The following PLXNA2 variants were observed in gnomAD, a reference collection of about 807,000 sequenced individuals.
PLXNA2 encodes the protein plexin-A2.
PLXNA2 carries 91 observed loss-of-function variants against 193.5 expected under a neutral mutation model. That is an observed-to-expected ratio of 0.47 (90% confidence interval 0.40 to 0.56). The LOEUF is 0.56. Ranked by LOEUF, PLXNA2 falls within the 20% of genes least tolerant of loss-of-function variation. The pLI is 0.00. For synonymous variants in PLXNA2, 997 were observed against 1,027.3 expected, an observed-to-expected ratio of 0.97 and a Z score of 0.56; for missense variants, 1,995 against 2,503.2, an observed-to-expected ratio of 0.80 and a Z score of 4.33.
intron 23 of PLXNA2, 107 bp from the exon 24 acceptor site, chr1:208,039,874 A>G: frequency 6.3e-7 from 1 of 1,587,194 alleles, no homozygotes. Context: ...GCTTTAGCAC[A>G]GCCAGTCCAG....
rs762707482 is a variant in PLXNA2 at position 208,150,616 on chromosome 1, C to T, written c.1372-8153G>A. On this transcript the variant is annotated intron_variant, in intron 3 of 31. Transcript: ENST00000367033. Reference sequence around the variant, plus strand: ...GGGGAGATTGGCTGGTGAGGATCTCCGGAGACCAGTTTTCTGTTTCTAAAT... The same window carrying T: ...GGGGAGATTGGCTGGTGAGGATCTCTGGAGACCAGTTTTCTGTTTCTAAAT... 9.9e-5 allele frequency among the ~76,000 whole-genome samples: 15 copies of T among 152,210 alleles called. No homozygotes were observed. The East Asian group carries it at 2.3e-3, about 24-fold the overall frequency.
At chr1:208,071,755 T>C (rs182747125) in intron 12 of PLXNA2, among the ~76,000 whole-genome samples, 1 of 152,364 alleles carries the variant, frequency 6.6e-6, no homozygotes, top group East Asian at 1.9e-4. Context: ...AGTGATGTTA[T>C]ATTAATGAGG....
At chr1:208,207,694 C>T (rs749040067) in intron 3 of PLXNA2, among the ~76,000 whole-genome samples, 1 of 152,106 alleles carries the variant, frequency 6.6e-6, no homozygotes, top group Non-Finnish European at 1.5e-5. Flanking sequence ...AGTAGGGTTT[C>T]CTGGGGACAT....
intron 6 of PLXNA2, among the ~76,000 whole-genome samples, chr1:208,097,295 A>G (rs1226868649): frequency 3.9e-5 from 6 of 152,242 alleles, no homozygotes; most frequent in African/African-American, 9.6e-5. Flanking sequence ...TCATGGGAGT[A>G]AATATCACCA....
At chr1:208,233,218 G>A (rs1168567215) in intron 1 of PLXNA2, among the ~76,000 whole-genome samples, 2 of 152,162 alleles carry the variant, frequency 1.3e-5, no homozygotes, top group African/African-American at 4.8e-5. Context: ...CAAGAGCCTG[G>A]ACAATGACTT....
intron 9 of PLXNA2, among the ~76,000 whole-genome samples, chr1:208,091,427 G>T (rs1666705779): frequency 6.6e-6 from 1 of 152,112 alleles, no homozygotes; most frequent in Non-Finnish European, 1.5e-5. Context: ...GCCATCAATG[G>T]GATTTAAATA....
At chr1:208,225,778 C>T (rs772974539) in intron 1 of PLXNA2, among the ~76,000 whole-genome samples, 3 of 152,186 alleles carry the variant, frequency 2.0e-5, no homozygotes, top group Non-Finnish European at 4.4e-5. Context: ...CCTCATCTGA[C>T]CATCTACAAG....
intron 1 of PLXNA2, among the ~76,000 whole-genome samples, chr1:208,243,142 C>A (rs1188858170): frequency 6.6e-6 from 1 of 152,168 alleles, no homozygotes; most frequent in Admixed American, 6.5e-5. Flanking sequence ...GATCTCCAGT[C>A]CCCGATCGGA....
intron 3 of PLXNA2, among the ~76,000 whole-genome samples, chr1:208,182,579 T>C (rs74153099): frequency 0.025 from 3,776 of 152,142 alleles, 158 homozygotes; most frequent in African/African-American, 0.085. Flanking sequence ...ATTCATGGAA[T>C]GGAGCTCCGG....
At chr1:208,130,708 G>T (rs3811390) in intron 4 of PLXNA2, among the ~76,000 whole-genome samples, 3 of 151,860 alleles carry the variant, frequency 2.0e-5, no homozygotes, top group African/African-American at 4.8e-5. Context: ...ACTCCTCCCC[G>T]GCCACTCTCC....
In PLXNA2 at chr1:208,100,467, C is replaced by G. The variant is rs140083668; in HGVS notation, c.1608-1498G>C. ...GCCTGGCGCATAGTAGGTGCCATGA[C>G]AGTGTTAGCCCTTATAATATTAATA... On this transcript the variant is annotated intron_variant, in intron 5 of 31. Transcript: ENST00000367033. 6.1e-4 allele frequency among the ~76,000 whole-genome samples: 93 copies of G among 152,118 alleles called. No individual in the cohort carries two copies. The East Asian group carries it at 9.9e-3, about 16-fold the overall frequency.
chr1:208,031,263 C>T, intron 29 of PLXNA2: 1 of 1,164,416 alleles, frequency 8.6e-7, no homozygotes, highest in South Asian at 2.2e-5. Flanking sequence ...GCATAGGTTC[C>T]CCCAGCTCCC....
rs1472338029 is a variant in PLXNA2, at chr1:208,096,888, G to A, written c.1732-5C>T. 2 of 1,612,316 alleles carry A rather than the reference G, an allele frequency of 1.2e-6. No individual in the cohort carries two copies. Among genetic ancestry groups the A allele is most frequent in the East Asian group, 4.5e-5 (2 of 44,836 alleles). On this transcript the variant is annotated splice_polypyrimidine_tract_variant and splice_region_variant and intron_variant, in intron 6 of 31. Coordinates refer to ENST00000367033, the MANE Select transcript of PLXNA2 (RefSeq NM_025179.4). ...ATCACTCACTACCAGGCTAAGCTGT[G>A]GGAGGAGCAAAGAGATGATGCCAAA...
chr1:208,110,869 C>G lies in PLXNA2; in HGVS notation c.1507-7622G>C, dbSNP rs532314017. Among the ~76,000 whole-genome samples the G allele has an allele frequency of 1.6e-4, 24 of 152,306 alleles. No individual in the cohort carries two copies. The East Asian group carries it at 4.6e-3, about 29-fold the overall frequency. Reference sequence around the variant, plus strand: ...CCTAGAAAGAACATCTTTCTGCTTCCTAGTCAAGCTGCTGGACACTGCAGG... The same window carrying G: ...CCTAGAAAGAACATCTTTCTGCTTCGTAGTCAAGCTGCTGGACACTGCAGG... On this transcript the variant is annotated intron_variant, in intron 4 of 31. Transcript: ENST00000367033.
At chr1:208,167,308 G>A (rs1669340778) in intron 3 of PLXNA2, among the ~76,000 whole-genome samples, 1 of 152,130 alleles carries the variant, frequency 6.6e-6, no homozygotes. Context: ...CCCCCTCACA[G>A]CAAAGTGGGC....
At chr1:208,058,483 C>A (rs1339622824) in intron 13 of PLXNA2, among the ~76,000 whole-genome samples, 1 of 152,228 alleles carries the variant, frequency 6.6e-6, no homozygotes, top group African/African-American at 2.4e-5. Flanking sequence ...ATTCATCTCT[C>A]ACAGACATCT....
intron 9 of PLXNA2, among the ~76,000 whole-genome samples, chr1:208,086,770 T>A (rs1460365667): frequency 7.4e-6 from 1 of 134,364 alleles, no homozygotes; most frequent in Non-Finnish European, 1.6e-5. Context: ...CTTGACAGAC[T>A]CTTTCATATA....
intron 29 of PLXNA2, chr1:208,030,323 T>C (rs1464626799): frequency 3.0e-6 from 3 of 985,422 alleles, no homozygotes; most frequent in African/African-American, 1.7e-5. Context: ...TTCTATTACT[T>C]GGATCTGGCC....
intron 8 of PLXNA2, among the ~76,000 whole-genome samples, chr1:208,095,775 G>T (rs576073772): frequency 1.3e-5 from 2 of 152,222 alleles, no homozygotes; most frequent in South Asian, 4.2e-4. Context: ...TACTATCTTG[G>T]CCTGAGAGTT....
Sources: gnomAD v4.1 joint callset for allele counts (sites outside exome capture counted in the v4.1 genomes callset) on GRCh38, gnomAD v4.1.1 for gene constraint, MANE v1.5 for transcripts, NCBI Gene and HGNC (gene_info 2026-07-23, HGNC 2026-07-21) for gene names.